ZBED6: variants seen among roughly 807,000 people sequenced by gnomAD.
ZBED6 encodes zinc finger BED-type containing 6.
Under a neutral mutation model 58.4 loss-of-function variants are expected in ZBED6, and 40 were observed. That is an observed-to-expected ratio of 0.68 (90% CI 0.53 to 0.89). The LOEUF is 0.89. ZBED6 is among the 40% of genes least tolerant of loss of function. The pLI is 0.00. For missense variants in ZBED6, 1,057 were observed against 1,003.9 expected, an observed-to-expected ratio of 1.05 and a Z score of -0.71; for synonymous variants, 439 against 350.6, an observed-to-expected ratio of 1.25 and a Z score of -2.82.
At position 203,816,590 on chromosome 1, in the gene ZBED6, C is replaced by A. The variant is rs140948076; in HGVS notation, c.*2555-336C>A. On this transcript the variant is annotated intron_variant, in intron 1 of 16. Transcript: ENST00000550078. ...GTGTTGCTGTGAGCTGTGATCACAT[C>A]ATTGCACTCCAGCCTGGGCAACAGA... Among the ~76,000 whole-genome samples the A allele has an allele frequency of 1.7e-3, 254 of 152,218 alleles. 1 individual carries two copies. The highest frequency in any genetic ancestry group is 3.2e-3 in the Non-Finnish European group (218 of 68,016).
intron 1 of ZBED6, among the ~76,000 whole-genome samples, chr1:203,804,599 T>A (rs1444441439): frequency 6.6e-6 from 1 of 152,086 alleles, no homozygotes; most frequent in Non-Finnish European, 1.5e-5. Flanking sequence ...ATTTTCAATT[T>A]GTTTTAGTTG....
exon 11 of ZBED6, chr1:203,840,354 C>G (rs141153166): frequency 1.2e-6 from 2 of 1,612,990 alleles, no homozygotes; most frequent in Non-Finnish European, 8.5e-7. Context: ...TCAGCTGATC[C>G]AGATAATGAG....
exon 17 of ZBED6, chr1:203,853,005 G>C (rs894506761): frequency 6.5e-6 from 1 of 152,984 alleles, no homozygotes; most frequent in African/African-American, 2.4e-5. Flanking sequence ...CTGCTGCTCT[G>C]TTAGCCTCTG....
At chr1:203,814,151 A>G (rs1269249363) in intron 1 of ZBED6, among the ~76,000 whole-genome samples, 1 of 152,154 alleles carries the variant, frequency 6.6e-6, no homozygotes, top group Non-Finnish European at 1.5e-5. Flanking sequence ...CTCCTCAGCT[A>G]AAACCCAAGT....
At chr1:203,848,536 T>C (rs1345712059) in intron 13 of ZBED6, 129 bp downstream of exon 13, 4 of 672,934 alleles carry the variant, frequency 5.9e-6, no homozygotes, top group African/African-American at 1.9e-5. Flanking sequence ...TTTTTACTTA[T>C]AATTTCTTAT....
exon 1 of ZBED6, chr1:203,800,651 CTG>C (rs1670284154): frequency 2.0e-6 from 1 of 492,758 alleles, no homozygotes; most frequent in South Asian, 4.8e-5. Context: ...ATAGCTATAA[CTG>C]TGGCGCTAGC....
At chr1:203,825,407 G>A (rs1481438722) in intron 3 of ZBED6, among the ~76,000 whole-genome samples, 1 of 149,492 alleles carries the variant, frequency 6.7e-6, no homozygotes, top group African/African-American at 2.5e-5. Context: ...TAATTATGTA[G>A]GAGAAATATT....
chr1:203,843,032 C>A (rs1032702878), intron 11 of ZBED6, among the ~76,000 whole-genome samples: 3 of 151,580 alleles, frequency 2.0e-5, no homozygotes, highest in Admixed American at 6.6e-5. Context: ...ACTTTTTATC[C>A]CCCATCCTTA....
chr1:203,810,010 CT>C (rs537617107), intron 1 of ZBED6, among the ~76,000 whole-genome samples: 21 of 151,340 alleles, frequency 1.4e-4, no homozygotes, highest in African/African-American at 4.1e-4. Flanking sequence ...AACCTAGATA[CT>C]TTTTTTTTCC....
At chr1:203,850,590 C>T in exon 15 of ZBED6, 1 of 1,614,098 alleles carries the variant, frequency 6.2e-7, no homozygotes, top group Non-Finnish European at 8.5e-7. Context: ...AAACGTAAGG[C>T]AGTGGAGATG....
chr1:203,852,317 A>T, exon 17 of ZBED6: 2 of 1,613,802 alleles, frequency 1.2e-6, no homozygotes, highest in Non-Finnish European at 1.7e-6. Context: ...TCAGGAGGCA[A>T]ATTGGAAGCT....
chr1:203,820,878 A>G (rs147338118), intron 3 of ZBED6, among the ~76,000 whole-genome samples: 51 of 152,228 alleles, frequency 3.4e-4, no homozygotes, highest in African/African-American at 1.2e-3. Flanking sequence ...TATCTGCCAG[A>G]TTGCTTCATT....
intron 3 of ZBED6, among the ~76,000 whole-genome samples, chr1:203,824,834 C>G (rs1285218502): frequency 6.6e-6 from 1 of 152,058 alleles, no homozygotes; most frequent in Non-Finnish European, 1.5e-5. Context: ...AATCCCAGCA[C>G]TTTGGGAGGC....
intron 11 of ZBED6, among the ~76,000 whole-genome samples, chr1:203,842,520 G>A (rs1686711174): frequency 6.6e-6 from 1 of 151,844 alleles, no homozygotes; most frequent in South Asian, 2.1e-4. Context: ...ATCAGGCAGG[G>A]AGGTTGCAGT....
At chr1:203,851,158 A>T in intron 16 of ZBED6, 34 bp downstream of exon 16, 1 of 1,600,932 alleles carries the variant, frequency 6.2e-7, no homozygotes, top group Non-Finnish European at 8.6e-7. Context: ...AACAAACTCC[A>T]GGCCCCTGTT....
chr1:203,848,309 G>A (rs755656621), intron 12 of ZBED6, 22 bp from the exon 13 acceptor site: 79 of 1,581,410 alleles, frequency 5.0e-5, no homozygotes, highest in Admixed American at 1.1e-4. Flanking sequence ...AATAACTAAT[G>A]ATGTCTTTAA....
chr1:203,837,147 T>C (rs56064452), intron 9 of ZBED6, among the ~76,000 whole-genome samples: 17,060 of 151,708 alleles, frequency 0.11, 1,341 homozygotes, highest in Admixed American at 0.24. Context: ...ATACAAAAAT[T>C]AACCAGGCAT....
chr1:203,842,722 T>G (rs1031271856), intron 11 of ZBED6, among the ~76,000 whole-genome samples: 1 of 151,198 alleles, frequency 6.6e-6, no homozygotes, highest in Non-Finnish European at 1.5e-5. Context: ...TGTAAAGATA[T>G]AAACATATAC....
exon 1 of ZBED6, chr1:203,800,044 G>C: frequency 6.5e-7 from 1 of 1,536,110 alleles, no homozygotes; most frequent in Non-Finnish European, 8.7e-7. Flanking sequence ...TCCAGTTCAG[G>C]TTCTGTTGAT....
Sources: allele counts gnomAD v4.1 joint callset (sites outside exome capture counted in the v4.1 genomes callset), GRCh38; gene constraint gnomAD v4.1.1; transcripts MANE v1.5; gene names NCBI Gene and HGNC (gene_info 2026-07-23, HGNC 2026-07-21).